Variants in FAM20B observed in about 807,000 individuals in gnomAD.
FAM20B encodes the protein glycosaminoglycan xylosylkinase.
Under a neutral mutation model 43.8 loss-of-function variants are expected in FAM20B, and 23 were observed. The observed-to-expected ratio is 0.53, with a 90% confidence interval of 0.38 to 0.74. The LOEUF (loss-of-function observed/expected upper bound fraction) is 0.74. FAM20B is among the 30% of genes least tolerant of loss of function. The probability of loss-of-function intolerance (pLI) is 0.00; values close to 1 mark genes in which losing one functional copy is unlikely to be tolerated. For missense variants in FAM20B, 440 were observed against 510.5 expected (o/e 0.86, Z 1.33); for synonymous variants, 178 against 192.4 (o/e 0.93, Z 0.62).
intron 4 of FAM20B, among the ~76,000 whole-genome samples, chr1:179,056,637 G>C (rs1651230999): frequency 6.6e-6 from 1 of 152,170 alleles, no homozygotes; most frequent in Non-Finnish European, 1.5e-5. Context: ...TAAGTTTTCA[G>C]CTCTTTTGGG....
At chr1:179,047,522 C>T (rs927817612) in intron 2 of FAM20B, among the ~76,000 whole-genome samples, 2 of 152,002 alleles carry the variant, frequency 1.3e-5, no homozygotes, top group African/African-American at 4.8e-5. Context: ...GCATCATCTC[C>T]TAAACAGCCT....
chr1:179,062,472 G>A (rs1434903290), intron 4 of FAM20B, among the ~76,000 whole-genome samples: 1 of 151,922 alleles, frequency 6.6e-6, no homozygotes, highest in Non-Finnish European at 1.5e-5. Context: ...CCAATATGGT[G>A]AAACCCCATC....
At chr1:179,023,596 G>C (rs534792307), upstream of FAM20B, among the ~76,000 whole-genome samples, 2 of 152,204 alleles carry the variant, frequency 1.3e-5, no homozygotes, top group Admixed American at 1.3e-4. Flanking sequence ...TTAAATGAAT[G>C]AATGTATGCA....
chr1:179,068,936 C>G (rs1438563502), intron 7 of FAM20B, among the ~76,000 whole-genome samples: 1 of 152,168 alleles, frequency 6.6e-6, no homozygotes, highest in East Asian at 1.9e-4. Context: ...AAGCAACTCT[C>G]CAGAGTGCAG....
chr1:179,060,225 G>A (rs1450995882), intron 4 of FAM20B, among the ~76,000 whole-genome samples: 1 of 151,968 alleles, frequency 6.6e-6, no homozygotes, highest in Non-Finnish European at 1.5e-5. Context: ...TCATTGTTTT[G>A]TTGTTTCACA....
chr1:179,076,304 C>CTAAG lies in FAM20B; in HGVS notation c.*4161_*4164dup, dbSNP rs1253493502. On this transcript the variant is annotated 3_prime_UTR_variant, in exon 8 of 8. Coordinates refer to ENST00000263733, the MANE Select transcript of FAM20B (RefSeq NM_014864.4). ...CTGGACTACCACAGGTTTTTAGGAA[C>CTAAG]TAAGGTGTTTCTCATAAACACAAAA... 6.6e-6 allele frequency: 1 copy of CTAAG among 152,130 alleles called. No homozygotes were observed. Among genetic ancestry groups the CTAAG allele is most frequent in the African/African-American group, 2.4e-5 (1 of 41,434 alleles). The allele number at this position is 152,130 out of a possible 1,614,324, so 9.4% of individuals were successfully genotyped here. A position where few individuals can be genotyped will look rare whatever the true frequency, so the allele number is the denominator to read the frequency against.
At chr1:179,021,046 G>A (rs1431429889), upstream of FAM20B, among the ~76,000 whole-genome samples, 1 of 152,192 alleles carries the variant, frequency 6.6e-6, no homozygotes, top group Admixed American at 6.5e-5. Flanking sequence ...ACTCCAGCCT[G>A]GGCGACAGAG....
chr1:179,040,409 G>A lies in FAM20B; in HGVS notation c.-133-3306G>A, dbSNP rs1650440951. ...GGACTGGGCGGCTGGCCGGGCAGAGGGGCTCCTCACTTCCCAGTAGGGGCG... is the reference window on the plus strand; with the variant it reads ...GGACTGGGCGGCTGGCCGGGCAGAGAGGCTCCTCACTTCCCAGTAGGGGCG... On this transcript the variant is annotated intron_variant, in intron 1 of 7. Coordinates refer to ENST00000263733, the MANE Select transcript of FAM20B (RefSeq NM_014864.4). Among the ~76,000 whole-genome samples, 6 of 150,712 alleles carry A rather than the reference G, an allele frequency of 4.0e-5. No individual in the cohort carries two copies. In the South Asian group the frequency reaches 1.3e-3, roughly 32 times the overall value.
At chr1:179,066,028 A>G (rs963060888) in intron 6 of FAM20B, among the ~76,000 whole-genome samples, 3 of 152,128 alleles carry the variant, frequency 2.0e-5, no homozygotes, top group Non-Finnish European at 4.4e-5. Flanking sequence ...TCATCTCCCA[A>G]AGGCCCTACT....
At chr1:179,024,451 A>G (rs1649675618), upstream of FAM20B, among the ~76,000 whole-genome samples, 1 of 152,344 alleles carries the variant, frequency 6.6e-6, no homozygotes. Flanking sequence ...TGATGTAGTG[A>G]GCAAGGTTCA....
intron 2 of FAM20B, among the ~76,000 whole-genome samples, chr1:179,045,823 G>A (rs138880668): frequency 6.6e-6 from 1 of 151,700 alleles, no homozygotes; most frequent in African/African-American, 2.4e-5. Context: ...GAGTGCGAGA[G>A]TTTGAGGCCG....
chr1:179,035,385 T>C (rs1392793943), intron 1 of FAM20B: 11 of 708,338 alleles, frequency 1.6e-5, no homozygotes, highest in Non-Finnish European at 2.6e-5. Context: ...CCTCGTGGGC[T>C]TCATGAGATT....
At chr1:179,047,637 G>C (rs3766634) in intron 2 of FAM20B, among the ~76,000 whole-genome samples, 13,919 of 152,244 alleles carry the variant, frequency 0.091, 1,180 homozygotes, top group African/African-American at 0.23. Context: ...ATACTGACCT[G>C]TGCTGCTTTA....
intron 1 of FAM20B, among the ~76,000 whole-genome samples, chr1:179,040,664 T>C (rs1467134826): frequency 9.8e-6 from 1 of 101,944 alleles, no homozygotes. Context: ...CGGGCGCTGA[T>C]CCCCCCACCT....
At chr1:179,042,541 CTCTT>C (rs1385322587) in intron 1 of FAM20B, among the ~76,000 whole-genome samples, 2 of 152,188 alleles carry the variant, frequency 1.3e-5, no homozygotes, top group African/African-American at 4.8e-5. Flanking sequence ...CAGCTCTTCT[CTCTT>C]TCTGATTGCC....
intron 6 of FAM20B, 151 bp from the exon 7 acceptor site, chr1:179,066,649 C>G: frequency 1.6e-6 from 1 of 633,772 alleles, no homozygotes; most frequent in East Asian, 2.7e-5. Context: ...TGGTCATGCC[C>G]CGCTTGTTTT....
intron 3 of FAM20B, among the ~76,000 whole-genome samples, 181 bp downstream of exon 3, chr1:179,050,546 G>C (rs1328378842): frequency 1.3e-5 from 2 of 152,174 alleles, no homozygotes; most frequent in Non-Finnish European, 2.9e-5. Flanking sequence ...TTGGCACCAG[G>C]AATACTGAAG....
At chr1:179,029,696 T>C (rs1649927585) in intron 1 of FAM20B, among the ~76,000 whole-genome samples, 1 of 152,338 alleles carries the variant, frequency 6.6e-6, no homozygotes, top group African/African-American at 2.4e-5. Flanking sequence ...TATGAATGTG[T>C]AAAGAGGACA....
chr1:179,059,882 A>C (rs1651384092), intron 4 of FAM20B, among the ~76,000 whole-genome samples: 1 of 151,874 alleles, frequency 6.6e-6, no homozygotes. Context: ...TGAGGCAGGA[A>C]AATCACTTGA....
Sources: gnomAD v4.1 joint callset for allele counts (sites outside exome capture counted in the v4.1 genomes callset) on GRCh38, gnomAD v4.1.1 for gene constraint, MANE v1.5 for transcripts, NCBI Gene and HGNC (gene_info 2026-07-23, HGNC 2026-07-21) for gene names.